CELF2: variants seen among roughly 807,000 people sequenced by gnomAD.
The protein encoded by CELF2 is CUGBP Elav-like family member 2, also known as CUG triplet repeat RNA-binding protein 2.
Under a neutral mutation model 62.6 loss-of-function variants are expected in CELF2, and 8 were observed. That is an observed-to-expected ratio of 0.13 (90% CI 0.07 to 0.23). The LOEUF (loss-of-function observed/expected upper bound fraction) is 0.23. Among genes scored for constraint, CELF2 ranks in the 10% least tolerant of loss-of-function variants. The probability of loss-of-function intolerance (pLI) is 1.00; values close to 1 mark genes in which losing one functional copy is unlikely to be tolerated. For missense variants in CELF2, 333 were observed against 671.0 expected (o/e 0.50, Z 5.56); for synonymous variants, 258 against 250.0 (o/e 1.03, Z -0.30).
chr10:11,029,540 T>C (rs900796107), intron 1 of CELF2, among the ~76,000 whole-genome samples: 6 of 152,250 alleles, frequency 3.9e-5, no homozygotes, highest in African/African-American at 1.4e-4. Flanking sequence ...GGAGAAGCTC[T>C]CTGGGCTGTG....
chr10:10,586,977 C>T, the CELF2 span, among the ~76,000 whole-genome samples: 2 of 152,218 alleles, frequency 1.3e-5, no homozygotes, highest in Admixed American at 1.3e-4. Flanking sequence ...GGGAGAAGGC[C>T]TTTGGAAGAA....
the CELF2 span, among the ~76,000 whole-genome samples, chr10:10,544,114 T>C: frequency 1.3e-5 from 2 of 152,196 alleles, no homozygotes; most frequent in Non-Finnish European, 2.9e-5. Context: ...CCTATGAACG[T>C]TCTGTTGCAA....
the CELF2 span, among the ~76,000 whole-genome samples, chr10:10,703,758 CCT>C: frequency 1.3e-5 from 2 of 152,086 alleles, no homozygotes; most frequent in Non-Finnish European, 2.9e-5. Context: ...CAACATTACC[CCT>C]GAGTATGAAT....
the CELF2 span, among the ~76,000 whole-genome samples, chr10:10,741,446 G>T: frequency 6.8e-6 from 1 of 148,132 alleles, no homozygotes; most frequent in South Asian, 2.2e-4. Flanking sequence ...GGGAGGGAGA[G>T]GTGCGCCACT....
chr10:10,772,132 G>A, the CELF2 span, among the ~76,000 whole-genome samples: 272 of 152,112 alleles, frequency 1.8e-3, no homozygotes, highest in South Asian at 0.012. Flanking sequence ...ATTGTAAAAT[G>A]TACCTTACCG....
At chr10:10,761,905 C>CGTGTGTGTGTGTGT in the CELF2 span, among the ~76,000 whole-genome samples, 5 of 128,880 alleles carry the variant, frequency 3.9e-5, 1 homozygote, top group African/African-American at 1.5e-4. Context: ...TATAATAAAC[C>CGTGTGTGTGTGTGT]GTGTGTGTGT....
chr10:10,827,815 A>G (rs1021687276), intron 1 of CELF2, among the ~76,000 whole-genome samples: 1 of 152,198 alleles, frequency 6.6e-6, no homozygotes, highest in Non-Finnish European at 1.5e-5. Flanking sequence ...CAAAAATAAA[A>G]TAAAGCAAAG....
the CELF2 span, among the ~76,000 whole-genome samples, chr10:10,662,518 T>A: frequency 6.6e-6 from 1 of 151,902 alleles, no homozygotes; most frequent in East Asian, 1.9e-4. Context: ...GGCAGGTCAG[T>A]CACTTCCGAA....
In CELF2 at chr10:11,159,313, C is replaced by T. The variant is rs559366051; in HGVS notation, c.75-6173C>T. Reference sequence around the variant, plus strand: ...TTTTCAGCAGCCCTGGATGCCACTACAGTTAAGACATAGCTGTGTCAGAAA... The same window carrying T: ...TTTTCAGCAGCCCTGGATGCCACTATAGTTAAGACATAGCTGTGTCAGAAA... On this transcript the variant is annotated intron_variant, in intron 1 of 12. Transcript: ENST00000633077. The surrounding 1 kb of genome is among the most constrained non-coding windows in gnomAD (Gnocchi z 5.0). 8.5e-5 allele frequency among the ~76,000 whole-genome samples: 13 copies of T among 152,344 alleles called. No homozygotes were observed. The South Asian group carries it at 2.5e-3, about 29-fold the overall frequency.
At chr10:10,668,370 A>G in the CELF2 span, among the ~76,000 whole-genome samples, 1 of 152,194 alleles carries the variant, frequency 6.6e-6, no homozygotes, top group Non-Finnish European at 1.5e-5. Flanking sequence ...TTGTTCTGCC[A>G]GAATGCCCTA....
rs1268369648 is a variant in CELF2 at position 11,017,984 on chromosome 10, C to G, written c.-106C>G. 2.8e-5 allele frequency: 28 copies of G among 992,706 alleles called. No individual in the cohort carries two copies. Among genetic ancestry groups the G allele is most frequent in the Non-Finnish European group, 3.2e-5 (27 of 835,968 alleles). The allele number at this position is 992,706 out of a possible 1,614,324, so 61.5% of individuals were successfully genotyped here. On this transcript the variant is annotated 5_prime_UTR_variant, in exon 1 of 13. Transcript: ENST00000633077. The surrounding 1 kb of genome is among the most constrained non-coding windows in gnomAD (Gnocchi z 5.5). ...TGACAAGTGCCGGCTCGGCGGCCGCCGGGGGAGGCCGCGCGCACCTGTCCC... is the reference window on the plus strand; with the variant it reads ...TGACAAGTGCCGGCTCGGCGGCCGCGGGGGGAGGCCGCGCGCACCTGTCCC...
At chr10:11,055,466 G>A (rs1010279782) in intron 1 of CELF2, among the ~76,000 whole-genome samples, 1 of 152,224 alleles carries the variant, frequency 6.6e-6, no homozygotes, top group African/African-American at 2.4e-5. Context: ...TAGTTTTAAT[G>A]TGGAGACACA....
chr10:11,252,604 G>A (rs778812459), intron 4 of CELF2, among the ~76,000 whole-genome samples: 7 of 152,224 alleles, frequency 4.6e-5, no homozygotes, highest in Non-Finnish European at 1.0e-4. Context: ...GCTCAGATCA[G>A]CCCTGCACTT....
the CELF2 span, among the ~76,000 whole-genome samples, chr10:10,779,840 C>A: frequency 1.3e-5 from 2 of 151,504 alleles, no homozygotes; most frequent in Non-Finnish European, 2.9e-5. Flanking sequence ...AAAATGAACT[C>A]ATTGGCCTGA....
intron 1 of CELF2, among the ~76,000 whole-genome samples, chr10:10,817,573 G>C (rs1018211268): frequency 6.6e-6 from 1 of 152,060 alleles, no homozygotes; most frequent in African/African-American, 2.4e-5. Context: ...AGAATATACA[G>C]TGTTTGTCTT....
chr10:11,155,545 T>G (rs2064179802), intron 1 of CELF2, among the ~76,000 whole-genome samples: 1 of 152,242 alleles, frequency 6.6e-6, no homozygotes, highest in African/African-American at 2.4e-5. Flanking sequence ...ATGGGAAGTT[T>G]GTGACATACG....
chr10:10,728,383 G>A, the CELF2 span, among the ~76,000 whole-genome samples: 2 of 150,400 alleles, frequency 1.3e-5, no homozygotes, highest in Admixed American at 1.3e-4. Flanking sequence ...AAGCCAGGAG[G>A]CAGAGGTTGC....
intron 1 of CELF2, among the ~76,000 whole-genome samples, chr10:11,107,331 C>T (rs980695411): frequency 6.6e-6 from 1 of 152,148 alleles, no homozygotes; most frequent in Non-Finnish European, 1.5e-5. Flanking sequence ...CTTCAGAGAA[C>T]TGGATTCCAG....
rs73581203 is a variant in CELF2, at chr10:11,254,458, G to A, written c.404-3280G>A. On this transcript the variant is annotated intron_variant, in intron 4 of 12. Coordinates refer to ENST00000633077, the MANE Select transcript of CELF2 (RefSeq NM_001326342.2). ...TAATACTTGATATTTTTAAAAGTGC[G>A]AGTTATCTTTCTTCTTGTTGCCTGG... Among the ~76,000 whole-genome samples, 533 of 152,318 alleles carry A rather than the reference G, an allele frequency of 3.5e-3. 7 individuals carry two copies. The highest frequency in any genetic ancestry group is 0.012 in the African/African-American group (496 of 41,558).
Sources: allele counts gnomAD v4.1 joint callset (sites outside exome capture counted in the v4.1 genomes callset), GRCh38; gene constraint gnomAD v4.1.1; non-coding constraint Gnocchi (gnomAD v3.1); transcripts MANE v1.5; gene names NCBI Gene and HGNC (gene_info 2026-07-23, HGNC 2026-07-21).